RIPOR2: variants seen among roughly 807,000 people sequenced by gnomAD.
RIPOR2 encodes the protein RHO family interacting cell polarization regulator 2.
A neutral mutation model predicts 114.5 loss-of-function variants in RIPOR2; 39 were observed. The observed-to-expected ratio is 0.34, with a 90% CI of 0.26 to 0.44. RIPOR2 has a LOEUF of 0.44. Among genes scored for constraint, RIPOR2 ranks in the 20% least tolerant of loss-of-function variants. RIPOR2 has a pLI of 1.00. For synonymous variants in RIPOR2, 445 were observed against 484.4 expected (o/e 0.92, Z 1.07); for missense variants, 1,007 against 1,255.1 (o/e 0.80, Z 2.99).
At chr6:24,866,937 T>G (rs1764667353) in intron 6 of RIPOR2, among the ~76,000 whole-genome samples, 1 of 152,010 alleles carries the variant, frequency 6.6e-6, no homozygotes, top group Admixed American at 6.6e-5. Context: ...AGTTTAAGAG[T>G]CCCGTTTTGT....
intron 1 of RIPOR2, among the ~76,000 whole-genome samples, chr6:25,006,745 G>C (rs1775577172): frequency 6.6e-6 from 1 of 152,222 alleles, no homozygotes; most frequent in Non-Finnish European, 1.5e-5. Context: ...CACAGGAAGA[G>C]GAAGCATTTG....
chr6:24,976,340 A>C (rs1581900911), intron 1 of RIPOR2: 1 of 951,188 alleles, frequency 1.1e-6, no homozygotes, highest in East Asian at 2.5e-5. Flanking sequence ...TGACTAAATT[A>C]TTCTAGAAAA....
At chr6:24,829,279 A>C (rs1210965404) in intron 17 of RIPOR2, among the ~76,000 whole-genome samples, 1 of 151,680 alleles carries the variant, frequency 6.6e-6, no homozygotes. Flanking sequence ...GCGCCATTGC[A>C]CTCCGGCCTG....
chr6:24,843,653 A>G, intron 12 of RIPOR2, 99 bp from the exon 13 acceptor site: 2 of 847,754 alleles, frequency 2.4e-6, no homozygotes, highest in Non-Finnish European at 3.5e-6. Context: ...ATTACAATGA[A>G]AAAACCCAGA....
At chr6:24,828,008 A>T in intron 18 of RIPOR2, 129 bp downstream of exon 18, 2 of 743,138 alleles carry the variant, frequency 2.7e-6, no homozygotes, top group South Asian at 6.0e-5. Flanking sequence ...GTCACTTAAA[A>T]GGCAAATTGC....
intron 15 of RIPOR2, among the ~76,000 whole-genome samples, chr6:24,833,273 C>T (rs1016143376): frequency 2.0e-5 from 3 of 152,096 alleles, no homozygotes; most frequent in African/African-American, 7.2e-5. Flanking sequence ...GAGGCTGAGG[C>T]AGGCAGATCA....
chr6:24,986,037 G>A (rs1774515170), intron 1 of RIPOR2, among the ~76,000 whole-genome samples: 3 of 152,154 alleles, frequency 2.0e-5, no homozygotes, highest in Non-Finnish European at 4.4e-5. Context: ...AAGGACCTAG[G>A]GAAGCACTGT....
At chr6:24,955,079 C>A (rs1469843845) in intron 1 of RIPOR2, among the ~76,000 whole-genome samples, 1 of 152,122 alleles carries the variant, frequency 6.6e-6, no homozygotes, top group Non-Finnish European at 1.5e-5. Context: ...AAAATGTGAA[C>A]AAGGATGTTA....
At chr6:24,846,748 T>C (rs1452362682) in intron 12 of RIPOR2, among the ~76,000 whole-genome samples, 1 of 152,170 alleles carries the variant, frequency 6.6e-6, no homozygotes, top group East Asian at 1.9e-4. Context: ...TATGTGTGTG[T>C]GCATGCATGT....
At chr6:24,927,288 C>CACTACAACTACAGTT (rs752423785) in intron 1 of RIPOR2, among the ~76,000 whole-genome samples, 1 of 45,748 alleles carries the variant, frequency 2.2e-5, no homozygotes. Context: ...CCACCACCAC[C>CACTACAACTACAGTT]ACCACCACCA....
At chr6:24,944,814 T>C (rs1436558447) in intron 1 of RIPOR2, among the ~76,000 whole-genome samples, 1 of 152,114 alleles carries the variant, frequency 6.6e-6, no homozygotes, top group Non-Finnish European at 1.5e-5. Context: ...TGACTTGCCA[T>C]ATACAATGGA....
chr6:25,041,941 G>C, exon 1 of RIPOR2: 1 of 701,594 alleles, frequency 1.4e-6, no homozygotes, highest in Non-Finnish European at 2.6e-6. Flanking sequence ...CCAACAGAGC[G>C]GCCTAAAACC....
chr6:24,944,894 T>A (rs1409114412), intron 1 of RIPOR2, among the ~76,000 whole-genome samples: 1 of 152,160 alleles, frequency 6.6e-6, no homozygotes, highest in African/African-American at 2.4e-5. Flanking sequence ...AAAAAGTTGG[T>A]TAATGGGCAC....
At chr6:24,840,747 A>C (rs757775096) in intron 13 of RIPOR2, 4 of 1,535,546 alleles carry the variant, frequency 2.6e-6, no homozygotes, top group Non-Finnish European at 3.5e-6. Flanking sequence ...AGCACCATTT[A>C]GTTTCTGATC....
chr6:24,951,438 A>T (rs1355401949), intron 1 of RIPOR2, among the ~76,000 whole-genome samples: 1 of 152,218 alleles, frequency 6.6e-6, no homozygotes, highest in African/African-American at 2.4e-5. Context: ...CTAATGGAAT[A>T]GGGGGTCTTC....
At chr6:25,036,770 T>C (rs77671870) in intron 1 of RIPOR2, among the ~76,000 whole-genome samples, 682 of 152,214 alleles carry the variant, frequency 4.5e-3, no homozygotes, top group African/African-American at 0.015. Context: ...GTACTGAAAA[T>C]AGCCTGGAGA....
intron 8 of RIPOR2, 32 bp from the exon 9 acceptor site, chr6:24,852,650 G>C: frequency 6.4e-7 from 1 of 1,560,958 alleles, no homozygotes; most frequent in Non-Finnish European, 8.7e-7. Flanking sequence ...GTGAGGTGTA[G>C]AACATATTTC....
chr6:24,975,126 A>G (rs548971845), intron 1 of RIPOR2, among the ~76,000 whole-genome samples: 1 of 152,362 alleles, frequency 6.6e-6, no homozygotes, highest in East Asian at 1.9e-4. Flanking sequence ...TACACTTTAA[A>G]TTGGTGAACT....
intron 1 of RIPOR2, among the ~76,000 whole-genome samples, chr6:24,942,869 T>C (rs1272452956): frequency 1.3e-5 from 2 of 152,232 alleles, no homozygotes; most frequent in African/African-American, 4.8e-5. Flanking sequence ...AGGTTGCCTG[T>C]TCACTCTGAT....
Sources: allele counts gnomAD v4.1 joint callset (sites outside exome capture counted in the v4.1 genomes callset), GRCh38; gene constraint gnomAD v4.1.1; transcripts MANE v1.5; gene names NCBI Gene and HGNC (gene_info 2026-07-23, HGNC 2026-07-21).